SELP: variants seen among roughly 807,000 people sequenced by gnomAD.
SELP encodes P-selectin.
Under a neutral mutation model 104.1 loss-of-function variants are expected in SELP, and 92 were observed. The observed-to-expected ratio is 0.88, with a 90% CI of 0.75 to 1.05. The LOEUF is 1.05. Among genes scored for constraint, SELP ranks in the 50% least tolerant of loss-of-function variants. SELP has a pLI of 0.00. For synonymous variants in SELP, 397 were observed against 364.5 expected (o/e 1.09, Z -1.01); for missense variants, 1,022 against 1,017.3 (o/e 1.00, Z -0.06).
intron 8 of SELP, 118 bp downstream of exon 8, chr1:169,609,386 G>T: frequency 2.0e-6 from 2 of 991,884 alleles, no homozygotes; most frequent in Non-Finnish European, 1.5e-6. Context: ...AAAGGACATG[G>T]CCCATAGTAG....
intron 5 of SELP, 126 bp from the exon 6 acceptor site, chr1:169,612,528 G>T: frequency 2.5e-6 from 2 of 789,028 alleles, no homozygotes; most frequent in Non-Finnish European, 4.1e-6. Flanking sequence ...CACTAGAATG[G>T]TTAAATGGTG....
chr1:169,610,936 G>T (rs1249575770), intron 7 of SELP, among the ~76,000 whole-genome samples: 1 of 152,122 alleles, frequency 6.6e-6, no homozygotes, highest in African/African-American at 2.4e-5. Flanking sequence ...AGCAGGGTTG[G>T]GCTTGTCATC....
Position 169,609,684 on chromosome 1 carries a change from A to C in SELP, c.1153T>G (p.Ser385Ala). Residue 385 changes from serine (S) to alanine (A), a missense_variant, in exon 8 of 17, where the codon TCG becomes GCG. By Grantham distance (99) the Ser-to-Ala change is moderately conservative. Transcript: ENST00000263686. ...ACAGGACTCTCCAGCGGCTCACACG[A>C]AATAGCTAAGTGGAAAAGGTATCTT... ...SAPLPTCEAI[S>A]CEPLESPVHG... 1 of 1,609,122 alleles carries C rather than the reference A, an allele frequency of 6.2e-7. No individual in the cohort carries two copies. Among genetic ancestry groups the C allele is most frequent in the Non-Finnish European group, 8.5e-7 (1 of 1,177,648 alleles).
chr1:169,593,534 C>G, intron 14 of SELP, 71 bp downstream of exon 14: 1 of 1,454,808 alleles, frequency 6.9e-7, no homozygotes, highest in Non-Finnish European at 9.4e-7. Flanking sequence ...CCTCCCCACC[C>G]TAAATTACAT....
At chr1:169,600,985 G>A (rs949944066) in intron 10 of SELP, among the ~76,000 whole-genome samples, 3 of 152,194 alleles carry the variant, frequency 2.0e-5, no homozygotes, top group Non-Finnish European at 4.4e-5. Context: ...GCAGAGAAAG[G>A]GGGGCTGGAA....
intron 10 of SELP, among the ~76,000 whole-genome samples, chr1:169,597,529 C>T (rs1661689612): frequency 6.6e-6 from 1 of 152,188 alleles, no homozygotes; most frequent in Non-Finnish European, 1.5e-5. Context: ...TGAATGGGTG[C>T]AATCCAGGAT....
At chr1:169,603,363 G>A (rs372043455) in intron 9 of SELP, 152 bp from the exon 10 acceptor site, 7 of 618,730 alleles carry the variant, frequency 1.1e-5, no homozygotes, top group African/African-American at 2.0e-5. Flanking sequence ...AATATACAAC[G>A]ATGGTATTTG....
intron 11 of SELP, among the ~76,000 whole-genome samples, chr1:169,596,631 T>C (rs1661627777): frequency 6.6e-6 from 1 of 152,230 alleles, no homozygotes; most frequent in Non-Finnish European, 1.5e-5. Context: ...AAGATGATGA[T>C]TGACCTCTCT....
At chr1:169,619,266 A>C (rs749438445) in intron 1 of SELP, 47 bp from the exon 2 acceptor site, 2 of 1,313,178 alleles carry the variant, frequency 1.5e-6, no homozygotes, top group South Asian at 1.2e-5. Context: ...TACACCACCA[A>C]CATGGCCAAA....
chr1:169,607,036 A>G lies in SELP; in HGVS notation c.1432T>C (p.Cys478Arg). Residue 478 changes from cysteine to arginine, a missense_variant, in exon 9 of 17, where the codon TGC becomes CGC. Physicochemically the swap from Cys to Arg is radical, Grantham distance 180. Coordinates refer to ENST00000263686, the MANE Select transcript of SELP (RefSeq NM_003005.4). The part of the protein sequence containing the change: ...FRYQSVCSFT[C>R]NEGLLLVGAS... ...CCCACCAGGAGCAAGCCTTCATTGC[A>G]GGTGAAGCTGCAGACTGACTGGTAC... 2 of 1,613,810 alleles carry G rather than the reference A, an allele frequency of 1.2e-6. No homozygotes were observed. The highest frequency in any genetic ancestry group is 1.1e-5 in the South Asian group (1 of 91,080).
rs765811479 is a variant in SELP, at chr1:169,594,843, T to C, written c.2136A>G (p.Pro712=). 9 of 1,613,668 alleles carry C rather than the reference T, an allele frequency of 5.6e-6. No individual in the cohort carries two copies. In the Middle Eastern group the frequency reaches 9.9e-4, roughly 178 times the overall value. Residue 712 remains proline (P), a synonymous_variant, in exon 13 of 17, where the codon CCA becomes CCG. Transcript: ENST00000263686. The stretch of plus-strand genomic sequence containing the variant: ...AGAGGTTGGAGCAGTTCATCGCTAT[T>C]GGCTTATTAACATGTAGTTCTGAGC... ...VKCSELHVNK[P]IAMNCSNLWG...
chr1:169,612,436 T>C, intron 5 of SELP, 34 bp from the exon 6 acceptor site: 1 of 1,604,272 alleles, frequency 6.2e-7, no homozygotes, highest in Non-Finnish European at 8.5e-7. Context: ...GTGTGAGTCC[T>C]TGGACAAATT....
At chr1:169,603,304 T>C in intron 9 of SELP, 93 bp from the exon 10 acceptor site, 1 of 709,188 alleles carries the variant, frequency 1.4e-6, no homozygotes, top group South Asian at 2.1e-5. Context: ...TCCCTCTCTC[T>C]CTCTGTGTGT....
rs1407451637 is a variant in SELP, at chr1:169,593,690, G to GT, written c.2321dup (p.Tyr774Ter). 2.5e-6 allele frequency: 4 copies of GT among 1,613,414 alleles called. No homozygotes were observed. The highest frequency in any genetic ancestry group is 2.5e-6 in the Non-Finnish European group (3 of 1,179,572). ...TCGTAGAAGCCACCGCTCCACCAAAGTAAGTCAGGGCTTCCTGGATAGTCA... is the reference window on the plus strand; with the variant it reads ...TCGTAGAAGCCACCGCTCCACCAAAGTTAAGTCAGGGCTTCCTGGATAGTCA... ...GPLTIQEALT[Y>*]FGGAVASTIG... The change falls in exon 14 of 17, where the codon TAC becomes TAAC. Residue 774 changes from tyrosine to a stop codon, truncating the protein, a stop_gained and frameshift_variant. Coordinates refer to ENST00000263686, the MANE Select transcript of SELP (RefSeq NM_003005.4). LOFTEE classifies it high-confidence loss of function.
chr1:169,613,275 A>G (rs111928390), intron 4 of SELP, among the ~76,000 whole-genome samples, 161 bp from the exon 5 acceptor site: 1 of 152,248 alleles, frequency 6.6e-6, no homozygotes, highest in Non-Finnish European at 1.5e-5. Context: ...TATTGGCTGC[A>G]TCTTGGGAAA....
At chr1:169,623,805 T>C (rs1387194633) in intron 1 of SELP, among the ~76,000 whole-genome samples, 1 of 152,236 alleles carries the variant, frequency 6.6e-6, no homozygotes, top group Non-Finnish European at 1.5e-5. Context: ...GCAGGAAGTC[T>C]TTCAGACTTC....
intron 8 of SELP, among the ~76,000 whole-genome samples, chr1:169,607,954 C>T (rs1662284720): frequency 6.6e-6 from 1 of 152,144 alleles, no homozygotes; most frequent in African/African-American, 2.4e-5. Flanking sequence ...ATCCAACTAT[C>T]TTTTCTTGAT....
intron 16 of SELP, 47 bp from the exon 17 acceptor site, chr1:169,589,508 A>T (rs1158589796): frequency 1.3e-5 from 2 of 152,246 alleles, no homozygotes; most frequent in Non-Finnish European, 2.9e-5. Context: ...AGGAAACTTG[A>T]TGTTCACAAC....
At chr1:169,612,075 A>G (rs1662568756) in intron 6 of SELP, 142 bp downstream of exon 6, 5 of 797,664 alleles carry the variant, frequency 6.3e-6, no homozygotes, top group Non-Finnish European at 9.8e-6. Context: ...AGATGAACCC[A>G]ATCTAGCTGA....
Sources: allele counts gnomAD v4.1 joint callset (sites outside exome capture counted in the v4.1 genomes callset), GRCh38; gene constraint gnomAD v4.1.1; transcripts MANE v1.5; gene names NCBI Gene and HGNC (gene_info 2026-07-23, HGNC 2026-07-21).